ZC3H18: variants seen among roughly 807,000 people sequenced by gnomAD.
The protein encoded by ZC3H18 is zinc finger CCCH domain-containing protein 18.
ZC3H18 carries 8 observed loss-of-function variants against 106.1 expected under a neutral mutation model. The observed-to-expected ratio is 0.08, with a 90% CI of 0.04 to 0.14. The LOEUF is 0.14. Among genes scored for constraint, ZC3H18 ranks in the 10% least tolerant of loss-of-function variants. The pLI is 1.00. For missense variants in ZC3H18, 1,318 were observed against 1,278.4 expected, an observed-to-expected ratio of 1.03 and a Z score of -0.47; for synonymous variants, 635 against 522.1, an observed-to-expected ratio of 1.22 and a Z score of -2.95.
chr16:88,581,012 C>T (rs890153830), intron 2 of ZC3H18, among the ~76,000 whole-genome samples: 7 of 152,348 alleles, frequency 4.6e-5, no homozygotes, highest in African/African-American at 1.7e-4. Context: ...GGGACTGATT[C>T]GCCTAGAGGC....
chr16:88,598,516 C>G lies in ZC3H18; in HGVS notation c.838-104C>G, dbSNP rs1597337247. 12 of 1,431,860 alleles carry G rather than the reference C, an allele frequency of 8.4e-6. No individual in the cohort carries two copies. In the East Asian group the frequency reaches 2.9e-4, roughly 35 times the overall value. The allele number at this position is 1,431,860 out of a possible 1,614,324, so 88.7% of individuals were successfully genotyped here. A position where few individuals can be genotyped will look rare whatever the true frequency, so the allele number is the denominator to read the frequency against. ...TGAGGCTTGGTGGAAGGAGAGCGGC[C>G]ACACACGGCCGGCTTGTGTTGTAGT... On this transcript the variant is annotated intron_variant, in intron 4 of 17. Transcript: ENST00000301011.
At chr16:88,584,929 G>A (rs921619130) in intron 2 of ZC3H18, among the ~76,000 whole-genome samples, 5 of 152,208 alleles carry the variant, frequency 3.3e-5, no homozygotes, top group Non-Finnish European at 5.9e-5. Context: ...AGATTGGAAT[G>A]GATTCGAACT....
intron 3 of ZC3H18, among the ~76,000 whole-genome samples, chr16:88,595,107 T>G (rs1904359972): frequency 6.6e-6 from 1 of 152,178 alleles, no homozygotes; most frequent in Non-Finnish European, 1.5e-5. Context: ...GCTGAGATTG[T>G]GCCATTGCAC....
intron 3 of ZC3H18, among the ~76,000 whole-genome samples, chr16:88,594,513 T>A (rs960301520): frequency 1.3e-5 from 2 of 152,258 alleles, no homozygotes; most frequent in African/African-American, 4.8e-5. Context: ...CCATGTTTCC[T>A]ATCTGTTTCC....
At chr16:88,610,836 A>C (rs1905236151) in intron 7 of ZC3H18, among the ~76,000 whole-genome samples, 1 of 152,226 alleles carries the variant, frequency 6.6e-6, no homozygotes, top group Admixed American at 6.5e-5. Flanking sequence ...CTGGATGGAC[A>C]AATGGACTTG....
chr16:88,624,424 C>A, intron 11 of ZC3H18, 178 bp from the exon 12 acceptor site: 4 of 1,009,740 alleles, frequency 4.0e-6, no homozygotes, highest in Non-Finnish European at 5.7e-6. Context: ...GGCTTTGAAG[C>A]CGTTCCCAAG....
At chr16:88,610,185 G>C (rs1469067826) in intron 7 of ZC3H18, among the ~76,000 whole-genome samples, 1 of 152,230 alleles carries the variant, frequency 6.6e-6, no homozygotes, top group Non-Finnish European at 1.5e-5. Flanking sequence ...ATGTGCTTCA[G>C]ACTGTGAGTT....
intron 8 of ZC3H18, among the ~76,000 whole-genome samples, chr16:88,620,900 C>G (rs900119639): frequency 1.3e-5 from 2 of 152,236 alleles, no homozygotes; most frequent in African/African-American, 4.8e-5. Context: ...GAGTCTCACT[C>G]TGTTGCCCAG....
chr16:88,587,681 C>T, intron 3 of ZC3H18: 1 of 1,404,772 alleles, frequency 7.1e-7, no homozygotes, highest in South Asian at 1.2e-5. Context: ...GCCAGACTTC[C>T]TTCTCCTGGA....
intron 8 of ZC3H18, among the ~76,000 whole-genome samples, chr16:88,614,660 ATCCTTT>A (rs1905469623): frequency 6.6e-6 from 1 of 152,242 alleles, no homozygotes; most frequent in Non-Finnish European, 1.5e-5. Context: ...GATGTTTTTA[ATCCTTT>A]TATGTTACAG....
At chr16:88,591,852 C>G (rs562937486) in intron 3 of ZC3H18, among the ~76,000 whole-genome samples, 1 of 151,878 alleles carries the variant, frequency 6.6e-6, no homozygotes, top group African/African-American at 2.4e-5. Context: ...TGTGTTTCAT[C>G]TTTTGAGGAA....
chr16:88,622,954 G>A (rs916393065), intron 9 of ZC3H18: 6 of 494,940 alleles, frequency 1.2e-5, no homozygotes, highest in African/African-American at 3.9e-5. Context: ...CTCAGGCAGC[G>A]CCACCCGGTA....
chr16:88,597,967 G>A (rs1365033540), intron 3 of ZC3H18, among the ~76,000 whole-genome samples: 1 of 152,218 alleles, frequency 6.6e-6, no homozygotes, highest in East Asian at 1.9e-4. Flanking sequence ...CAGCCTCTGG[G>A]GAACTGCCGT....
Position 88,627,640 on chromosome 16 carries a change from C to T in ZC3H18, c.2127C>T (p.Ser709=), listed in dbSNP as rs761859587. The change falls in exon 14 of 18, where the codon AGC becomes AGT. Residue 709 remains serine (S), a synonymous_variant. Transcript: ENST00000301011. This position sits in a 1 kb window ranked among gnomAD's most constrained non-coding sequence, Gnocchi z 4.5. The part of the protein sequence containing the change: ...SSRSRSLSVS[S]VSSVSSATSS... ...TGTCCAGGTCCCTGAGCGTGAGCAG[C>T]GTCTCCTCAGTGTCCAGTGCTACGT... is the stretch of plus-strand genomic sequence containing the variant. 9 of 1,605,800 alleles carry T rather than the reference C, an allele frequency of 5.6e-6. No homozygotes were observed. Among genetic ancestry groups the T allele is most frequent in the Non-Finnish European group, 7.7e-6 (9 of 1,173,516 alleles).
At position 88,577,575 on chromosome 16, in the gene ZC3H18, G is replaced by T. The variant is rs967276421; in HGVS notation, c.452G>T (p.Gly151Val). 1.9e-6 allele frequency: 3 copies of T among 1,613,552 alleles called. No individual in the cohort carries two copies. Among genetic ancestry groups the T allele is most frequent in the Non-Finnish European group, 2.5e-6 (3 of 1,179,892 alleles). The change falls in exon 2 of 18, where the codon GGG becomes GTG. Residue 151 changes from glycine (G) to valine (V), a missense_variant. Gly to Val is a moderately radical substitution (Grantham distance 109). Coordinates refer to ENST00000301011, the MANE Select transcript of ZC3H18 (RefSeq NM_144604.4). ...CAGGAGGACGAGGCTGAGAAAGCGG[G>T]GGCTGAGGATGATGAGGAGAAAGGC... ...AVQEDEAEKA[G>V]AEDDEEKGEG...
chr16:88,621,952 G>C (rs1905991163), intron 8 of ZC3H18, among the ~76,000 whole-genome samples: 1 of 152,188 alleles, frequency 6.6e-6, no homozygotes, highest in Admixed American at 6.5e-5. Flanking sequence ...TGCCATTCTG[G>C]TTCAGGAGAA....
intron 7 of ZC3H18, among the ~76,000 whole-genome samples, chr16:88,609,983 T>G (rs1439419232): frequency 6.6e-6 from 1 of 151,988 alleles, no homozygotes; most frequent in African/African-American, 2.4e-5. Context: ...TGCTCGGGCG[T>G]GTCACTCTTC....
intron 1 of ZC3H18, among the ~76,000 whole-genome samples, chr16:88,575,072 A>G (rs999612210): frequency 6.4e-5 from 9 of 140,910 alleles, no homozygotes; most frequent in Non-Finnish European, 7.8e-5. Context: ...CTCGTGATCC[A>G]CCCGCCTCGG....
At chr16:88,629,470 A>AT (rs559927523) in intron 16 of ZC3H18, among the ~76,000 whole-genome samples, 77 of 151,800 alleles carry the variant, frequency 5.1e-4, no homozygotes, top group African/African-American at 1.2e-3. Flanking sequence ...GAGCAACTGT[A>AT]TTTTTTTTTA....
Sources: gnomAD v4.1 joint callset for allele counts (sites outside exome capture counted in the v4.1 genomes callset) on GRCh38, gnomAD v4.1.1 for gene constraint, Gnocchi (gnomAD v3.1) non-coding constraint, MANE v1.5 for transcripts, NCBI Gene and HGNC (gene_info 2026-07-23, HGNC 2026-07-21) for gene names.